SGSM1: variants seen among roughly 807,000 people sequenced by gnomAD.
SGSM1 encodes the protein small G protein signaling modulator 1, also known as RUN and TBC1 domain containing 2.
In SGSM1, 73 loss-of-function variants were observed where a neutral mutation model predicts 133.8. The ratio of observed to expected loss-of-function variants is 0.55; its 90% confidence interval spans 0.45 to 0.66. The LOEUF (loss-of-function observed/expected upper bound fraction) is 0.66. Among genes scored for constraint, SGSM1 ranks in the 30% least tolerant of loss-of-function variants. The probability of loss-of-function intolerance (pLI) is 0.00; values close to 1 mark genes in which losing one functional copy is unlikely to be tolerated. For synonymous variants in SGSM1, 563 were observed against 573.0 expected, an observed-to-expected ratio of 0.98 and a Z score of 0.25; for missense variants, 1,213 against 1,448.1, an observed-to-expected ratio of 0.84 and a Z score of 2.64.
At chr22:24,850,642 G>T (rs1279668836) in intron 5 of SGSM1, among the ~76,000 whole-genome samples, 4 of 152,158 alleles carry the variant, frequency 2.6e-5, no homozygotes, top group Non-Finnish European at 5.9e-5. Context: ...AGGGATCCTG[G>T]GTTTCTTCCT....
At chr22:24,843,029 G>A (rs547021163) in intron 2 of SGSM1, among the ~76,000 whole-genome samples, 3 of 151,272 alleles carry the variant, frequency 2.0e-5, no homozygotes, top group African/African-American at 7.3e-5. Context: ...AGCCATGATG[G>A]GAGAAAAAAA....
At chr22:24,916,510 T>G (rs1020236869) in intron 22 of SGSM1, among the ~76,000 whole-genome samples, 3 of 152,072 alleles carry the variant, frequency 2.0e-5, no homozygotes, top group African/African-American at 7.2e-5. Context: ...CTGGCCAACA[T>G]GGTGAAACCC....
At chr22:24,838,980 G>T (rs774545568) in intron 2 of SGSM1, among the ~76,000 whole-genome samples, 5 of 149,462 alleles carry the variant, frequency 3.3e-5, no homozygotes, top group African/African-American at 1.2e-4. Flanking sequence ...TAAATCTGTC[G>T]ATTACTTTGG....
intron 16 of SGSM1, among the ~76,000 whole-genome samples, chr22:24,887,701 G>C (rs1932697417): frequency 6.6e-6 from 1 of 152,130 alleles, no homozygotes; most frequent in Non-Finnish European, 1.5e-5. Context: ...CTCAGCAAGA[G>C]GTTCGCTTGA....
chr22:24,884,419 C>T (rs1932495967), intron 15 of SGSM1, among the ~76,000 whole-genome samples: 1 of 152,146 alleles, frequency 6.6e-6, no homozygotes, highest in Non-Finnish European at 1.5e-5. Context: ...CATATGCTCA[C>T]CTGGAAGGAG....
intron 2 of SGSM1, among the ~76,000 whole-genome samples, chr22:24,810,893 C>T (rs1217587266): frequency 2.0e-5 from 3 of 152,118 alleles, no homozygotes; most frequent in African/African-American, 4.8e-5. Context: ...TGGAGAAAAA[C>T]GAGAGAAGCA....
chr22:24,828,070 C>A (rs1425457235), intron 2 of SGSM1, among the ~76,000 whole-genome samples: 1 of 152,048 alleles, frequency 6.6e-6, no homozygotes, highest in East Asian at 1.9e-4. Flanking sequence ...TCTTGGCAGG[C>A]AACCCAGGTC....
rs1378713694 is a variant in SGSM1 at position 24,834,762 on chromosome 22, T to G, written c.64-10135T>G. Among the ~76,000 whole-genome samples, 7 of 85,876 alleles carry G rather than the reference T, an allele frequency of 8.2e-5. No individual in the cohort carries two copies. The Admixed American group carries it at 9.4e-4, about 12-fold the overall frequency. 56.3% of individuals were successfully genotyped at this position (85,876 alleles called of 152,430 possible). A position where few individuals can be genotyped will look rare whatever the true frequency, so the allele number is the denominator to read the frequency against. ...TTGTATATACGTCTAAATTTCCTTT[T>G]TTTTTTTTTTTATTGTGACGGAGTT... is the stretch of plus-strand genomic sequence containing the variant. On this transcript the variant is annotated intron_variant, in intron 2 of 24. Coordinates refer to ENST00000400358, the MANE Select transcript of SGSM1 (RefSeq NM_001098497.3).
chr22:24,875,871 A>G (rs1461437794), intron 12 of SGSM1, among the ~76,000 whole-genome samples: 1 of 152,206 alleles, frequency 6.6e-6, no homozygotes, highest in East Asian at 1.9e-4. Flanking sequence ...AGGAATCACC[A>G]GTGTCCAAAA....
chr22:24,837,683 T>C (rs139650), intron 2 of SGSM1, among the ~76,000 whole-genome samples: 120,756 of 151,304 alleles, frequency 0.8, 49,002 homozygotes, highest in African/African-American at 0.94. Flanking sequence ...TCTTCCCAGA[T>C]GCTGGCATCA....
At chr22:24,860,895 CT>C in intron 9 of SGSM1, among the ~76,000 whole-genome samples, 1 of 37,704 alleles carries the variant, frequency 2.7e-5, no homozygotes, top group African/African-American at 1.6e-4. Context: ...GCGAGACTGT[CT>C]TAAAAAAAAA....
rs528318143 is a variant in SGSM1, at chr22:24,884,601, A to G, written c.1641+403A>G. 1.1e-4 allele frequency among the ~76,000 whole-genome samples: 17 copies of G among 152,352 alleles called. No individual in the cohort carries two copies. The East Asian group carries it at 1.9e-3, about 17-fold the overall frequency. On this transcript the variant is annotated intron_variant, in intron 15 of 24. Coordinates refer to ENST00000400358, the MANE Select transcript of SGSM1 (RefSeq NM_001098497.3). Reference sequence around the variant, plus strand: ...GTGAAACCCCATCTCTACTAAAAATAGAAAAATTAGCTTGCCATTGTGGTT... The same window carrying G: ...GTGAAACCCCATCTCTACTAAAAATGGAAAAATTAGCTTGCCATTGTGGTT...
At chr22:24,870,065 G>C (rs775389062) in intron 12 of SGSM1, among the ~76,000 whole-genome samples, 5 of 152,232 alleles carry the variant, frequency 3.3e-5, no homozygotes, top group Non-Finnish European at 5.9e-5. Context: ...AAGCAGCCAC[G>C]TGCTGGGCAG....
At chr22:24,883,816 C>T (rs908281785) in intron 14 of SGSM1, among the ~76,000 whole-genome samples, 20 of 152,168 alleles carry the variant, frequency 1.3e-4, no homozygotes, top group South Asian at 2.1e-4. Flanking sequence ...ATTAGCCAGA[C>T]GTGCTGGCGC....
intron 12 of SGSM1, among the ~76,000 whole-genome samples, chr22:24,873,643 G>A (rs535829247): frequency 6.6e-6 from 1 of 152,122 alleles, no homozygotes; most frequent in Non-Finnish European, 1.5e-5. Flanking sequence ...TTGAGCCCAG[G>A]AATTCGAGAT....
intron 23 of SGSM1, among the ~76,000 whole-genome samples, chr22:24,919,183 G>T (rs981210478): frequency 4.0e-5 from 6 of 151,676 alleles, no homozygotes; most frequent in Non-Finnish European, 8.8e-5. Flanking sequence ...GAGTAGCTGG[G>T]ATTACAGGCA....
At chr22:24,875,584 G>A (rs1931987875) in intron 12 of SGSM1, among the ~76,000 whole-genome samples, 1 of 150,762 alleles carries the variant, frequency 6.6e-6, no homozygotes, top group Non-Finnish European at 1.5e-5. Context: ...AGCTTGCAGT[G>A]AGCCAAGACC....
intron 24 of SGSM1, among the ~76,000 whole-genome samples, chr22:24,920,834 C>T (rs1040378520): frequency 6.6e-6 from 1 of 152,178 alleles, no homozygotes; most frequent in Non-Finnish European, 1.5e-5. Flanking sequence ...AGAGAATGCA[C>T]GATACCTTGG....
intron 9 of SGSM1, among the ~76,000 whole-genome samples, chr22:24,866,285 T>C (rs553450359): frequency 6.6e-6 from 1 of 152,254 alleles, no homozygotes; most frequent in Non-Finnish European, 1.5e-5. Flanking sequence ...AGCAACACAA[T>C]GGGGTGGGTG....
Sources: allele counts gnomAD v4.1 joint callset (sites outside exome capture counted in the v4.1 genomes callset), GRCh38; gene constraint gnomAD v4.1.1; transcripts MANE v1.5; gene names NCBI Gene and HGNC (gene_info 2026-07-23, HGNC 2026-07-21).